The following CALCRL variants were observed in gnomAD, a reference collection of about 807,000 sequenced individuals.
CALCRL encodes calcitonin receptor like receptor.
In CALCRL, 27 loss-of-function variants were observed where a neutral mutation model predicts 60.4. That is an observed-to-expected ratio of 0.45 (90% CI 0.33 to 0.62). The LOEUF is 0.62. Ranked by LOEUF, CALCRL falls within the 20% of genes least tolerant of loss-of-function variation. The pLI, the probability that CALCRL is intolerant of heterozygous loss-of-function variation, is 0.03. For missense variants in CALCRL, 424 were observed against 540.7 expected, an observed-to-expected ratio of 0.78 and a Z score of 2.14; for synonymous variants, 190 against 182.6, an observed-to-expected ratio of 1.04 and a Z score of -0.33.
At chr2:187,377,170 C>A (rs1216056541) in intron 8 of CALCRL, among the ~76,000 whole-genome samples, 2 of 152,014 alleles carry the variant, frequency 1.3e-5, no homozygotes, top group African/African-American at 4.8e-5. Flanking sequence ...CAAAGAATGG[C>A]AAAATCAGGT....
chr2:187,384,567 G>A (rs944281375), intron 4 of CALCRL, among the ~76,000 whole-genome samples: 5 of 152,192 alleles, frequency 3.3e-5, no homozygotes, highest in South Asian at 2.1e-4. Context: ...TAAAGATACC[G>A]TCTAAGAAGT....
Position 187,363,360 on chromosome 2 carries a change from A to T in CALCRL, c.627+16T>A. 6.2e-7 allele frequency: 1 copy of T among 1,604,214 alleles called. No homozygotes were observed. The highest frequency in any genetic ancestry group is 8.5e-7 in the Non-Finnish European group (1 of 1,176,010). ...ATTAGGCCCTTGAACCAAGGGCACAATCTTGGTTTACTTACAGGATTTGTG... is the reference window on the plus strand; with the variant it reads ...ATTAGGCCCTTGAACCAAGGGCACATTCTTGGTTTACTTACAGGATTTGTG... On this transcript the variant is annotated intron_variant, in intron 9 of 14. Transcript: ENST00000392370.
At chr2:187,360,970 G>GA (rs201441848) in intron 9 of CALCRL, among the ~76,000 whole-genome samples, 1,599 of 151,914 alleles carry the variant, frequency 0.011, 38 homozygotes, top group African/African-American at 0.037. Flanking sequence ...ATATCTTCCA[G>GA]AAAAAAAGTG....
At chr2:187,415,719 C>A in intron 1 of CALCRL, 2 of 546,262 alleles carry the variant, frequency 3.7e-6, no homozygotes, top group Non-Finnish European at 6.8e-6. Flanking sequence ...CCCACTCTTC[C>A]ACCTTCAGTG....
intron 4 of CALCRL, among the ~76,000 whole-genome samples, chr2:187,384,243 A>G (rs1435927194): frequency 2.0e-5 from 3 of 152,180 alleles, no homozygotes; most frequent in Non-Finnish European, 4.4e-5. Flanking sequence ...TTTAATTTCC[A>G]AATAAAGATT....
chr2:187,430,196 A>G (rs569923358), intron 1 of CALCRL, among the ~76,000 whole-genome samples: 32 of 152,212 alleles, frequency 2.1e-4, no homozygotes, highest in Non-Finnish European at 4.4e-4. Flanking sequence ...AAGCTGACAC[A>G]TGAAAGGACA....
intron 1 of CALCRL, among the ~76,000 whole-genome samples, chr2:187,395,037 AT>A (rs1201924685): frequency 1.3e-5 from 2 of 152,126 alleles, no homozygotes; most frequent in African/African-American, 4.8e-5. Flanking sequence ...CACAATAAGC[AT>A]TAGCTATTGC....
intron 1 of CALCRL, among the ~76,000 whole-genome samples, chr2:187,427,715 G>A (rs1690207115): frequency 6.6e-6 from 1 of 152,050 alleles, no homozygotes. Context: ...AATATCAGGG[G>A]AAGAATTCTC....
chr2:187,446,282 A>G (rs1691178317), intron 1 of CALCRL, among the ~76,000 whole-genome samples: 1 of 151,690 alleles, frequency 6.6e-6, no homozygotes, highest in African/African-American at 2.4e-5. Flanking sequence ...AAGAAAGCAC[A>G]TTTTGAATAC....
intron 12 of CALCRL, among the ~76,000 whole-genome samples, chr2:187,357,659 G>T (rs908547049): frequency 7.9e-6 from 1 of 126,366 alleles, no homozygotes; most frequent in African/African-American, 3.0e-5. Flanking sequence ...GTCGGGGGAG[G>T]GGGGAGGGAC....
chr2:187,441,862 A>G (rs1238490389), intron 1 of CALCRL: 1 of 151,732 alleles, frequency 6.6e-6, no homozygotes, highest in African/African-American at 2.4e-5. Context: ...GAGAAAACTT[A>G]GTGGAAGGAG....
At chr2:187,383,147 A>T (rs924196978) in intron 5 of CALCRL, 26 bp downstream of exon 5, 7 of 1,602,952 alleles carry the variant, frequency 4.4e-6, no homozygotes, top group Admixed American at 3.4e-5. Flanking sequence ...TGTCAAATGC[A>T]TTTACAACTA....
intron 1 of CALCRL, among the ~76,000 whole-genome samples, chr2:187,437,161 T>C (rs201281952): frequency 6.6e-6 from 1 of 152,342 alleles, no homozygotes; most frequent in East Asian, 1.9e-4. Flanking sequence ...ACAAAATGCA[T>C]TGCTCTGGAT....
intron 1 of CALCRL, among the ~76,000 whole-genome samples, chr2:187,392,937 T>A (rs1325092206): frequency 6.6e-6 from 1 of 152,116 alleles, no homozygotes; most frequent in Non-Finnish European, 1.5e-5. Context: ...GCTTGGAATG[T>A]CACTCACACT....
chr2:187,431,403 T>C (rs1198061230), intron 1 of CALCRL: 3 of 154,836 alleles, frequency 1.9e-5, no homozygotes, highest in African/African-American at 7.2e-5. Flanking sequence ...TTTGGTAATA[T>C]TATGAGTGGA....
intron 1 of CALCRL, among the ~76,000 whole-genome samples, chr2:187,408,609 G>T (rs1447491910): frequency 6.6e-6 from 1 of 151,924 alleles, no homozygotes; most frequent in Non-Finnish European, 1.5e-5. Context: ...GAAATTAATA[G>T]TAAATAATAA....
intron 4 of CALCRL, among the ~76,000 whole-genome samples, chr2:187,385,115 A>G (rs1688151970): frequency 2.0e-5 from 3 of 152,202 alleles, no homozygotes; most frequent in Non-Finnish European, 4.4e-5. Flanking sequence ...AACAAAGTGT[A>G]TGGTTCTAAA....
At chr2:187,372,172 T>TC (rs1385748029) in intron 8 of CALCRL, among the ~76,000 whole-genome samples, 1 of 152,232 alleles carries the variant, frequency 6.6e-6, no homozygotes, top group African/African-American at 2.4e-5. Context: ...TCTTTTTTTT[T>TC]TTCCCTATAA....
intron 1 of CALCRL, among the ~76,000 whole-genome samples, chr2:187,430,044 G>C (rs1384937679): frequency 6.6e-6 from 1 of 152,066 alleles, no homozygotes; most frequent in East Asian, 1.9e-4. Context: ...CAAACTTTGG[G>C]CCTTTTGAAA....
Sources: gnomAD v4.1 joint callset for allele counts (sites outside exome capture counted in the v4.1 genomes callset) on GRCh38, gnomAD v4.1.1 for gene constraint, MANE v1.5 for transcripts, NCBI Gene and HGNC (gene_info 2026-07-23, HGNC 2026-07-21) for gene names.